Variants in SWAP70 observed in about 807,000 individuals in gnomAD.
The protein encoded by SWAP70 is switch-associated protein 70.
Under a neutral mutation model 80.2 loss-of-function variants are expected in SWAP70, and 34 were observed. The observed-to-expected ratio is 0.42, with a 90% CI of 0.32 to 0.56. The LOEUF is 0.56. SWAP70 is among the 20% of genes least tolerant of loss of function. The pLI is 0.09. For missense variants in SWAP70, 578 were observed against 690.7 expected (o/e 0.84, Z 1.83); for synonymous variants, 239 against 238.5 (o/e 1.00, Z -0.02).
At chr11:9,698,108 T>G (rs992893377) in intron 2 of SWAP70, among the ~76,000 whole-genome samples, 2 of 148,064 alleles carry the variant, frequency 1.4e-5, no homozygotes, top group African/African-American at 2.5e-5. Context: ...TTGTTTTTTT[T>G]TTTTTTTTTT....
Position 9,750,272 on chromosome 11 carries a change from CGGAGGTT to C in SWAP70, c.*304_*310del, listed in dbSNP as rs1564837483. 4.3e-4 allele frequency: 93 copies of C among 213,804 alleles called. No individual in the cohort carries two copies. Among genetic ancestry groups the C allele is most frequent in the Admixed American group, 3.1e-3 (62 of 19,762 alleles). 13.2% of individuals were successfully genotyped at this position (213,804 alleles called of 1,614,324 possible). A position where few individuals can be genotyped will look rare whatever the true frequency, so the allele number is the denominator to read the frequency against. On this transcript the variant is annotated 3_prime_UTR_variant, in exon 12 of 12. Coordinates refer to ENST00000318950, the MANE Select transcript of SWAP70 (RefSeq NM_015055.4). ...AGGAGAATCACTTGAACGTGGGAGG[CGGAGGTT>C]GCAGCGAGCTGAGATCATGCCGTTG...
At chr11:9,688,227 A>G (rs1380094996) in intron 1 of SWAP70, among the ~76,000 whole-genome samples, 1 of 152,258 alleles carries the variant, frequency 6.6e-6, no homozygotes, top group Non-Finnish European at 1.5e-5. Flanking sequence ...GATTCTGGGC[A>G]GCATGCCAGG....
intron 3 of SWAP70, among the ~76,000 whole-genome samples, chr11:9,719,226 G>A (rs1345790839): frequency 6.6e-6 from 1 of 151,950 alleles, no homozygotes; most frequent in Non-Finnish European, 1.5e-5. Context: ...GCAACATGGT[G>A]AAACCCCATC....
At chr11:9,698,102 T>C (rs1418098902) in intron 2 of SWAP70, among the ~76,000 whole-genome samples, 1 of 144,604 alleles carries the variant, frequency 6.9e-6, no homozygotes, top group African/African-American at 2.5e-5. Context: ...TGTTTTTTGT[T>C]TTTTTTTTTT....
At chr11:9,686,135 TAC>T (rs1269693153) in intron 1 of SWAP70, among the ~76,000 whole-genome samples, 1 of 151,872 alleles carries the variant, frequency 6.6e-6, no homozygotes, top group East Asian at 1.9e-4. Context: ...TGTATTAAAG[TAC>T]AGAGTCCAAA....
intron 1 of SWAP70, among the ~76,000 whole-genome samples, chr11:9,671,717 TATAAATATATTTCTATGTATACATAG>T (rs1850404269): frequency 1.9e-5 from 2 of 103,124 alleles, no homozygotes; most frequent in Non-Finnish European, 3.6e-5. Context: ...CATAGAAATA[TATAAATATATTTCTATGTATACATAG>T]AAATATAAAT....
intron 2 of SWAP70, among the ~76,000 whole-genome samples, chr11:9,700,579 C>A (rs1344842151): frequency 6.6e-6 from 1 of 152,088 alleles, no homozygotes; most frequent in African/African-American, 2.4e-5. Context: ...TTGGAATTAT[C>A]CCCCATTAAC....
At chr11:9,695,949 C>T (rs1850752169) in intron 2 of SWAP70, among the ~76,000 whole-genome samples, 1 of 152,046 alleles carries the variant, frequency 6.6e-6, no homozygotes, top group Non-Finnish European at 1.5e-5. Context: ...CGTACACCAC[C>T]ACACCTGGCT....
chr11:9,741,662 A>G (rs1220379524), intron 9 of SWAP70: 1 of 152,224 alleles, frequency 6.6e-6, no homozygotes, highest in Admixed American at 6.5e-5. Flanking sequence ...CACAGCAGAG[A>G]CTAGATCACA....
rs745322327 is a variant in SWAP70, at chr11:9,732,526, C to T, written c.899-3C>T. On this transcript the variant is annotated splice_region_variant and splice_polypyrimidine_tract_variant and intron_variant, in intron 6 of 11. Transcript: ENST00000318950. ...TTTTTTTTTCCTCCTACACCTTTTA[C>T]AGCCATTCATTCTACTATTCATCTG... 8.1e-6 allele frequency: 13 copies of T among 1,602,582 alleles called. No individual in the cohort carries two copies. The African/African-American group carries it at 1.2e-4, about 15-fold the overall frequency.
intron 6 of SWAP70, among the ~76,000 whole-genome samples, chr11:9,730,706 T>A (rs1851286471): frequency 6.6e-6 from 1 of 152,234 alleles, no homozygotes; most frequent in Non-Finnish European, 1.5e-5. Flanking sequence ...CAAGATCCAT[T>A]ACTTCCACAA....
At chr11:9,666,748 G>A (rs1007768295) in intron 1 of SWAP70, among the ~76,000 whole-genome samples, 13 of 144,588 alleles carry the variant, frequency 9.0e-5, no homozygotes, top group East Asian at 2.0e-4. Context: ...TTTTTGAGCC[G>A]GAGTTGCGCT....
At chr11:9,742,293 T>C (rs1490835304) in intron 9 of SWAP70, among the ~76,000 whole-genome samples, 1 of 152,148 alleles carries the variant, frequency 6.6e-6, no homozygotes, top group Non-Finnish European at 1.5e-5. Flanking sequence ...CTAAATTTTT[T>C]TTTCTCTTAG....
At chr11:9,711,962 G>A (rs116012017) in intron 2 of SWAP70, among the ~76,000 whole-genome samples, 163 of 152,278 alleles carry the variant, frequency 1.1e-3, no homozygotes, top group African/African-American at 3.8e-3. Flanking sequence ...AACCATGCTT[G>A]CCTCCACTTC....
chr11:9,721,368 A>G (rs1183632038), intron 3 of SWAP70, among the ~76,000 whole-genome samples: 1 of 152,112 alleles, frequency 6.6e-6, no homozygotes, highest in East Asian at 1.9e-4. Context: ...AACACTTACC[A>G]TGTGCTGTTT....
intron 3 of SWAP70, among the ~76,000 whole-genome samples, chr11:9,723,646 A>G (rs948130512): frequency 1.8e-4 from 28 of 152,134 alleles, no homozygotes; most frequent in African/African-American, 6.3e-4. Flanking sequence ...ATTTTTGGAC[A>G]TATGTTGAGT....
At chr11:9,685,868 G>A (rs531467576) in intron 1 of SWAP70, among the ~76,000 whole-genome samples, 3 of 152,010 alleles carry the variant, frequency 2.0e-5, no homozygotes, top group Non-Finnish European at 2.9e-5. Flanking sequence ...TCCTGATCTC[G>A]TGATCTACCT....
chr11:9,730,679 A>G (rs1028840497), intron 6 of SWAP70, among the ~76,000 whole-genome samples: 6 of 152,228 alleles, frequency 3.9e-5, no homozygotes, highest in African/African-American at 1.4e-4. Flanking sequence ...TAGTTTTTTA[A>G]TACTTCAAGT....
At chr11:9,737,444 T>C (rs570474121) in intron 7 of SWAP70, among the ~76,000 whole-genome samples, 64 of 152,356 alleles carry the variant, frequency 4.2e-4, no homozygotes, top group African/African-American at 1.5e-3. Flanking sequence ...GTTTTGTTTT[T>C]TTAACAATAA....
Sources: allele counts gnomAD v4.1 joint callset (sites outside exome capture counted in the v4.1 genomes callset), GRCh38; gene constraint gnomAD v4.1.1; transcripts MANE v1.5; gene names NCBI Gene and HGNC (gene_info 2026-07-23, HGNC 2026-07-21).